Variants in PCDHGC4 observed in about 807,000 individuals in gnomAD.
The protein encoded by PCDHGC4 is protocadherin gamma-C4.
Under a neutral mutation model 59.7 loss-of-function variants are expected in PCDHGC4, and 15 were observed. That is an observed-to-expected ratio of 0.25 (90% CI 0.17 to 0.39). The LOEUF (loss-of-function observed/expected upper bound fraction) is 0.39. PCDHGC4 is among the 10% of genes least tolerant of loss of function. The pLI is 1.00. For missense variants in PCDHGC4, 1,016 were observed against 1,189.5 expected (o/e 0.85, Z 2.15); for synonymous variants, 434 against 481.4 (o/e 0.90, Z 1.29).
intron 2 of PCDHGC4, among the ~76,000 whole-genome samples, chr5:141,501,528 A>G (rs1173385747): frequency 6.6e-6 from 1 of 151,978 alleles, no homozygotes; most frequent in Non-Finnish European, 1.5e-5. Context: ...GAAGCCCAGT[A>G]CGTTGTTGTG....
chr5:141,497,986 G>T (rs1404550601), intron 2 of PCDHGC4, among the ~76,000 whole-genome samples: 1 of 152,176 alleles, frequency 6.6e-6, no homozygotes, highest in Non-Finnish European at 1.5e-5. Context: ...GGAGGCCCCT[G>T]CCCTCAAGGA....
intron 3 of PCDHGC4, among the ~76,000 whole-genome samples, chr5:141,508,579 G>A (rs569867127): frequency 6.6e-6 from 1 of 152,234 alleles, no homozygotes; most frequent in East Asian, 1.9e-4. Flanking sequence ...ACCCACTCGG[G>A]GTGCTACTCA....
chr5:141,506,506 C>T (rs1279198463), intron 3 of PCDHGC4, among the ~76,000 whole-genome samples: 2 of 151,030 alleles, frequency 1.3e-5, no homozygotes. Context: ...GATTCAAATC[C>T]TGGCACCTGG....
intron 2 of PCDHGC4, among the ~76,000 whole-genome samples, chr5:141,498,945 G>C (rs1421135706): frequency 8.0e-6 from 1 of 125,434 alleles, no homozygotes; most frequent in Non-Finnish European, 1.6e-5. Context: ...AAGAAAGAAA[G>C]AAAAAGAGAG....
intron 2 of PCDHGC4, among the ~76,000 whole-genome samples, chr5:141,503,388 A>C (rs1456500896): frequency 6.6e-6 from 1 of 152,004 alleles, no homozygotes; most frequent in East Asian, 1.9e-4. Flanking sequence ...TGAGGTCAGG[A>C]GTTCGAAACC....
At position 141,489,335 on chromosome 5, in the gene PCDHGC4, G is replaced by C. The variant is rs138015049; in HGVS notation, c.2442+1720G>C. 1.4e-5 allele frequency: 22 copies of C among 1,607,364 alleles called. No individual in the cohort carries two copies. Among genetic ancestry groups the C allele is most frequent in the Non-Finnish European group, 1.9e-5 (22 of 1,175,842 alleles). The stretch of plus-strand genomic sequence containing the variant: ...TGGGGCTGGGTGTCTGGGCAGCTTC[G>C]TTACTCAGTGGTGGAGGAGTCTGAG... On this transcript the variant is annotated intron_variant, in intron 1 of 3. Transcript: ENST00000306593. This position sits in a 1 kb window ranked among gnomAD's most constrained non-coding sequence, Gnocchi z 4.5.
At position 141,490,258 on chromosome 5, in the gene PCDHGC4, G is replaced by A. The variant is rs776865457; in HGVS notation, c.2442+2643G>A. Reference sequence around the variant, plus strand: ...GGGCCACTGTGTGATTCAAGTGGATGTGGGGGATGTCAATGACAATGCCCC... The same window carrying A: ...GGGCCACTGTGTGATTCAAGTGGATATGGGGGATGTCAATGACAATGCCCC... On this transcript the variant is annotated intron_variant, in intron 1 of 3. Transcript: ENST00000306593. The surrounding 1 kb of genome is among the most constrained non-coding windows in gnomAD (Gnocchi z 5.4). 6.2e-7 allele frequency: 1 copy of A among 1,614,136 alleles called. No homozygotes were observed.
At chr5:141,506,130 GAGA>G (rs560751517) in intron 3 of PCDHGC4, among the ~76,000 whole-genome samples, 2 of 152,170 alleles carry the variant, frequency 1.3e-5, no homozygotes, top group Admixed American at 1.3e-4. Context: ...CCCAGAGCAG[GAGA>G]AGAAGAATAT....
At chr5:141,508,903 G>A (rs1410291297) in intron 3 of PCDHGC4, among the ~76,000 whole-genome samples, 1 of 152,086 alleles carries the variant, frequency 6.6e-6, no homozygotes, top group East Asian at 1.9e-4. Flanking sequence ...GGGCGGGGCG[G>A]TGGCGGATCT....
chr5:141,509,435 T>C (rs547082417), intron 3 of PCDHGC4, among the ~76,000 whole-genome samples: 1 of 152,214 alleles, frequency 6.6e-6, no homozygotes, highest in South Asian at 2.1e-4. Context: ...AAACTCTTGT[T>C]TCCTCCTCTC....
chr5:141,491,871 C>T lies in PCDHGC4; in HGVS notation c.2443-2936C>T, dbSNP rs1222191027. 2.1e-6 allele frequency: 3 copies of T among 1,451,434 alleles called. No individual in the cohort carries two copies. Among genetic ancestry groups the T allele is most frequent in the Non-Finnish European group, 2.7e-6 (3 of 1,098,418 alleles). 89.9% of individuals were successfully genotyped at this position (1,451,434 alleles called of 1,614,324 possible). ...ACCGTTTGCGCGAAACCAGAGTGGC[C>T]GATTAAGGGATGGGGCTCCGAGCAC... On this transcript the variant is annotated intron_variant, in intron 1 of 3. Transcript: ENST00000306593. The surrounding 1 kb of genome is among the most constrained non-coding windows in gnomAD (Gnocchi z 6.9).
Position 141,485,959 on chromosome 5 carries a change from C to A in PCDHGC4, c.786C>A (p.Ile262=), listed in dbSNP as rs758835557. The A allele has an allele frequency of 6.2e-7, 1 of 1,614,160 alleles. No homozygotes were observed. The highest frequency in any genetic ancestry group is 1.3e-5 in the African/African-American group (1 of 75,054). ...LESAPAGMVL[I]QLNASDPDLG... Reference sequence around the variant, plus strand: ...GCGCACCAGCGGGCATGGTGCTCATCCAGCTCAATGCCTCAGACCCGGACC... The same window carrying A: ...GCGCACCAGCGGGCATGGTGCTCATACAGCTCAATGCCTCAGACCCGGACC... The change falls in exon 1 of 4, where the codon ATC becomes ATA. Residue 262 remains isoleucine, a synonymous_variant. Coordinates refer to ENST00000306593, the MANE Select transcript of PCDHGC4 (RefSeq NM_018928.3). The surrounding 1 kb of genome is among the most constrained non-coding windows in gnomAD (Gnocchi z 5.7).
chr5:141,505,345 G>A (rs776607130), intron 2 of PCDHGC4, 48 bp from the exon 3 acceptor site: 13 of 1,613,086 alleles, frequency 8.1e-6, no homozygotes, highest in Non-Finnish European at 1.1e-5. Flanking sequence ...AGGGGCATGA[G>A]CTGTGCCGGC....
chr5:141,502,516 A>G (rs947349505), intron 2 of PCDHGC4, among the ~76,000 whole-genome samples: 1 of 152,146 alleles, frequency 6.6e-6, no homozygotes, highest in African/African-American at 2.4e-5. Flanking sequence ...TCCCACTATC[A>G]GTGATGCCGA....
intron 2 of PCDHGC4, among the ~76,000 whole-genome samples, chr5:141,501,109 C>T (rs909874167): frequency 2.0e-5 from 3 of 152,106 alleles, no homozygotes; most frequent in South Asian, 2.1e-4. Context: ...CCTCGTGATC[C>T]GCCTGCCTCA....
At position 141,511,399 on chromosome 5, in the gene PCDHGC4, A is replaced by C; in HGVS notation, c.*226A>C. 1.0e-6 allele frequency: 1 copy of C among 987,714 alleles called. No homozygotes were observed. The highest frequency in any genetic ancestry group is 1.4e-6 in the Non-Finnish European group (1 of 693,342). The allele number at this position is 987,714 out of a possible 1,614,324, so 61.2% of individuals were successfully genotyped here. ...CAGTTCCGCTGGGAACCCCCATCCA[A>C]TCAACTGCTGTACCCATGGGGGTAG... On this transcript the variant is annotated 3_prime_UTR_variant, in exon 4 of 4. Transcript: ENST00000306593.
chr5:141,490,476 G>A lies in PCDHGC4; in HGVS notation c.2442+2861G>A. 1 of 1,614,208 alleles carries A rather than the reference G, an allele frequency of 6.2e-7. No homozygotes were observed. The highest frequency in any genetic ancestry group is 8.5e-7 in the Non-Finnish European group (1 of 1,180,046). On this transcript the variant is annotated intron_variant, in intron 1 of 3. Transcript: ENST00000306593. The surrounding 1 kb of genome is among the most constrained non-coding windows in gnomAD (Gnocchi z 5.4). ...ACTCGCTGCTAACCAGCCAGCCTTT[G>A]GACCGGGAGGCCACATCCCACTATA...
chr5:141,490,445 A>G lies in PCDHGC4; in HGVS notation c.2442+2830A>G, dbSNP rs2099700298. 6.2e-7 allele frequency: 1 copy of G among 1,614,022 alleles called. No individual in the cohort carries two copies. The highest frequency in any genetic ancestry group is 8.5e-7 in the Non-Finnish European group (1 of 1,180,030). ...CCATTTCAGATTAAGCCTTCTGAGA[A>G]CCACTACTCGCTGCTAACCAGCCAG... On this transcript the variant is annotated intron_variant, in intron 1 of 3. Coordinates refer to ENST00000306593, the MANE Select transcript of PCDHGC4 (RefSeq NM_018928.3). The surrounding 1 kb of genome is among the most constrained non-coding windows in gnomAD (Gnocchi z 5.4).
chr5:141,489,247 C>T lies in PCDHGC4; in HGVS notation c.2442+1632C>T. 6.5e-7 allele frequency: 1 copy of T among 1,546,012 alleles called. No individual in the cohort carries two copies. The highest frequency in any genetic ancestry group is 8.7e-7 in the Non-Finnish European group (1 of 1,146,298). ...ACAAAGGGACTTCTGGGTCATGGGGCCCAAGACACTCCCACAGCTCGCTGG... is the reference window on the plus strand; with the variant it reads ...ACAAAGGGACTTCTGGGTCATGGGGTCCAAGACACTCCCACAGCTCGCTGG... On this transcript the variant is annotated intron_variant, in intron 1 of 3. Coordinates refer to ENST00000306593, the MANE Select transcript of PCDHGC4 (RefSeq NM_018928.3). This position sits in a 1 kb window ranked among gnomAD's most constrained non-coding sequence, Gnocchi z 4.5.
Sources: allele counts gnomAD v4.1 joint callset (sites outside exome capture counted in the v4.1 genomes callset), GRCh38; gene constraint gnomAD v4.1.1; non-coding constraint Gnocchi (gnomAD v3.1); transcripts MANE v1.5; gene names NCBI Gene and HGNC (gene_info 2026-07-23, HGNC 2026-07-21).